CSF2RA: variants seen among roughly 807,000 people sequenced by gnomAD.
The protein encoded by CSF2RA is colony stimulating factor 2 receptor subunit alpha.
In CSF2RA, 42 loss-of-function variants were observed where a neutral mutation model predicts 51.6. The ratio of observed to expected loss-of-function variants is 0.81; its 90% CI spans 0.64 to 1.05. CSF2RA has a LOEUF of 1.05. CSF2RA is among the 50% of genes least tolerant of loss of function. CSF2RA has a pLI of 0.00. For missense variants in CSF2RA, 530 were observed against 501.1 expected, an observed-to-expected ratio of 1.06 and a Z score of -0.55; for synonymous variants, 222 against 193.0, an observed-to-expected ratio of 1.15 and a Z score of -1.24.
In CSF2RA at chrX:1,305,685, T is replaced by A. The variant is rs776625586; in HGVS notation, c.1125+158T>A. The A allele has an allele frequency of 3.2e-6, 5 of 1,573,442 alleles. No homozygotes were observed. In the Admixed American group the frequency reaches 9.6e-5, roughly 30 times the overall value. ...GAATCTGTATCCCACTCCTGGGCCT[T>A]CTCCCGGGTCGGGGTCTTCTCCAAG... On this transcript the variant is annotated intron_variant, in intron 12 of 12. Coordinates refer to ENST00000381529, the MANE Select transcript of CSF2RA (RefSeq NM_172245.4).
downstream of CSF2RA, among the ~76,000 whole-genome samples, chrX:1,314,587 A>T (rs1365137288): frequency 2.4e-4 from 10 of 42,000 alleles, no homozygotes; most frequent in African/African-American, 9.7e-4. Context: ...GCCCAACCCC[A>T]CTGCACCTGC....
the CSF2RA span, among the ~76,000 whole-genome samples, chrX:1,319,728 T>C: frequency 5.4e-5 from 8 of 147,926 alleles, no homozygotes; most frequent in African/African-American, 2.0e-4. Flanking sequence ...TTTTTTTTTT[T>C]TTTTTAGACA....
rs772019564 is a variant in CSF2RA, at chrX:1,309,432, G to A, written c.1156G>A (p.Gly386Arg). 14 of 1,614,006 alleles carry A rather than the reference G, an allele frequency of 8.7e-6. No homozygotes were observed. In the East Asian group the frequency reaches 1.8e-4, roughly 21 times the overall value. Reference protein sequence around the residue: ...IIWEEFTPEEGKGYREEVLTV... With the variant: ...IIWEEFTPEERKGYREEVLTV... The stretch of plus-strand genomic sequence containing the variant: ...CTGGGAGGAATTCACCCCAGAGGAA[G>A]GGAAAGGCTACCGCGAAGAGGTCTT... Residue 386 changes from glycine to arginine, a missense_variant, in exon 13 of 13, where the codon GGG (glycine) becomes AGG (arginine). Gly to Arg is a moderately radical substitution (Grantham distance 125). Coordinates refer to ENST00000381529, the MANE Select transcript of CSF2RA (RefSeq NM_172245.4).
intron 8 of CSF2RA, among the ~76,000 whole-genome samples, chrX:1,294,747 G>A (rs1205600933): frequency 3.9e-5 from 6 of 152,034 alleles, no homozygotes; most frequent in Non-Finnish European, 7.4e-5. Context: ...CAAGCAAGGA[G>A]AGCCTCTGCT....
At chrX:1,281,312 TCTC>T (rs762220604) in intron 2 of CSF2RA, among the ~76,000 whole-genome samples, 3 of 72,544 alleles carry the variant, frequency 4.1e-5, no homozygotes, top group African/African-American at 5.5e-5. Context: ...TTCTCTTCCT[TCTC>T]CTCCTCCTCC....
At chrX:1,278,515 C>A (rs2089491217) in intron 2 of CSF2RA, among the ~76,000 whole-genome samples, 1 of 143,540 alleles carries the variant, frequency 7.0e-6, no homozygotes, top group Non-Finnish European at 1.5e-5. Flanking sequence ...GGTGAAACCC[C>A]ATCTCTACTA....
downstream of CSF2RA, among the ~76,000 whole-genome samples, chrX:1,313,214 A>C (rs1474602848): frequency 6.6e-6 from 1 of 151,792 alleles, no homozygotes; most frequent in African/African-American, 2.4e-5. Context: ...ACTTGAGGTC[A>C]GGAGTTCAAA....
At chrX:1,317,656 C>T in the CSF2RA span, among the ~76,000 whole-genome samples, 10,989 of 150,304 alleles carry the variant, frequency 0.073, 603 homozygotes, top group East Asian at 0.24. Flanking sequence ...ATTTCTGTAA[C>T]GTGCAAATTT....
chrX:1,291,230 T>C (rs1237926209), intron 7 of CSF2RA, among the ~76,000 whole-genome samples: 3 of 147,552 alleles, frequency 2.0e-5, no homozygotes, highest in African/African-American at 7.3e-5. Context: ...CCTCCCTCTT[T>C]ACCTCCTTCC....
At chrX:1,303,825 C>T in intron 10 of CSF2RA, 98 bp from the exon 11 acceptor site, 1 of 1,052,138 alleles carries the variant, frequency 9.5e-7, no homozygotes, top group Non-Finnish European at 1.5e-6. Flanking sequence ...TTGACTGTTC[C>T]CTTTGGCTAA....
At chrX:1,282,264 C>A in intron 2 of CSF2RA, 2 of 197,058 alleles carry the variant, frequency 1.0e-5, no homozygotes, top group East Asian at 1.2e-4. Flanking sequence ...AAATGAAAAC[C>A]TGAGCCATCG....
Position 1,300,731 on chromosome X carries a change from AC to A in CSF2RA, c.946+106del, listed in dbSNP as rs1286672186. 3.0e-4 allele frequency: 439 copies of A among 1,468,354 alleles called. 1 individual carries two copies. The African/African-American group carries it at 5.1e-3, about 17-fold the overall frequency. The allele number at this position is 1,468,354 out of a possible 1,614,324, so 91.0% of individuals were successfully genotyped here. A position where few individuals can be genotyped will look rare whatever the true frequency, so the allele number is the denominator to read the frequency against. On this transcript the variant is annotated intron_variant, in intron 10 of 12. Coordinates refer to ENST00000381529, the MANE Select transcript of CSF2RA (RefSeq NM_172245.4). Reference sequence around the variant, plus strand: ...CCTGGGCGCTGAGATCGAGTTGAGCACGTCGCTGGGAGTAGTGTCAGGCTCT... The same window carrying A: ...CCTGGGCGCTGAGATCGAGTTGAGCAGTCGCTGGGAGTAGTGTCAGGCTCT...
downstream of CSF2RA, among the ~76,000 whole-genome samples, chrX:1,311,267 A>C (rs2084170592): frequency 6.6e-6 from 1 of 150,948 alleles, no homozygotes; most frequent in South Asian, 2.1e-4. Flanking sequence ...AAAAAGGTAA[A>C]AAGAAAAAGA....
chrX:1,281,112 T>TCTCCTC (rs771038360), intron 2 of CSF2RA, among the ~76,000 whole-genome samples: 3 of 25,050 alleles, frequency 1.2e-4, no homozygotes, highest in African/African-American at 6.3e-4. Flanking sequence ...TCCTCCTCCT[T>TCTCCTC]CTCCTCCTCC....
chrX:1,307,095 C>G (rs1310047257), intron 12 of CSF2RA, among the ~76,000 whole-genome samples: 2 of 152,074 alleles, frequency 1.3e-5, no homozygotes, highest in African/African-American at 4.8e-5. Context: ...TCCTCTCCCA[C>G]CCACCTCTCT....
In CSF2RA at chrX:1,309,926, T is replaced by A; in HGVS notation, c.*447T>A. On this transcript the variant is annotated 3_prime_UTR_variant, in exon 13 of 13. Transcript: ENST00000381529. ...ATAATAAATAATAAAAACCTGATAT[T>A]TGGCTGGGCGCCGTGGCTCATGCCT... 3.6e-6 allele frequency: 2 copies of A among 556,338 alleles called. No individual in the cohort carries two copies. Among genetic ancestry groups the A allele is most frequent in the Non-Finnish European group, 6.3e-6 (2 of 316,834 alleles). The allele number at this position is 556,338 out of a possible 1,614,324, so 34.5% of individuals were successfully genotyped here. A position where few individuals can be genotyped will look rare whatever the true frequency, so the allele number is the denominator to read the frequency against.
In CSF2RA at chrX:1,309,618, G is replaced by A. The variant is rs768127954; in HGVS notation, c.*139G>A. 4 of 1,604,120 alleles carry A rather than the reference G, an allele frequency of 2.5e-6. No individual in the cohort carries two copies. In the South Asian group the frequency reaches 4.4e-5, roughly 18 times the overall value. ...CATGACATTTGGGGCCAGGCGCGGT[G>A]GCTCACGCCTGTAATCCCAGCACTT... On this transcript the variant is annotated 3_prime_UTR_variant, in exon 13 of 13. Transcript: ENST00000381529.
intron 2 of CSF2RA, among the ~76,000 whole-genome samples, chrX:1,275,836 G>A (rs1285404435): frequency 6.6e-6 from 1 of 151,796 alleles, no homozygotes; most frequent in Non-Finnish European, 1.5e-5. Context: ...GGGATTACAG[G>A]CACCCGCCAC....
intron 6 of CSF2RA, 70 bp from the exon 7 acceptor site, chrX:1,290,267 G>T: frequency 3.2e-6 from 4 of 1,266,182 alleles, no homozygotes; most frequent in South Asian, 1.2e-5. Context: ...GTTTGTTTTT[G>T]TTTTGTTTTG....
Sources: allele counts gnomAD v4.1 joint callset (sites outside exome capture counted in the v4.1 genomes callset), GRCh38; gene constraint gnomAD v4.1.1; transcripts MANE v1.5; gene names NCBI Gene and HGNC (gene_info 2026-07-23, HGNC 2026-07-21).